The following RFC1 variants were observed in gnomAD, a reference collection of about 807,000 sequenced individuals.
RFC1 encodes A1 140 kDa subunit.
A neutral mutation model predicts 137.4 loss-of-function variants in RFC1; 37 were observed. That is an observed-to-expected ratio of 0.27 (90% CI 0.21 to 0.35). RFC1 has a LOEUF of 0.35. RFC1 is among the 10% of genes least tolerant of loss of function. The pLI is 1.00. For missense variants in RFC1, 1,205 were observed against 1,358.5 expected, an observed-to-expected ratio of 0.89 and a Z score of 1.78; for synonymous variants, 429 against 455.7, an observed-to-expected ratio of 0.94 and a Z score of 0.75.
chr4:39,298,855 A>G (rs1738176639), intron 21 of RFC1, among the ~76,000 whole-genome samples: 1 of 152,194 alleles, frequency 6.6e-6, no homozygotes, highest in African/African-American at 2.4e-5. Context: ...GCAGTGGCTC[A>G]TGCCTGTAAT....
chr4:39,292,686 G>C (rs1307527700), intron 22 of RFC1, among the ~76,000 whole-genome samples: 3 of 151,602 alleles, frequency 2.0e-5, no homozygotes, highest in Non-Finnish European at 4.4e-5. Flanking sequence ...TTGTTGCCCA[G>C]GCTGGTGTGC....
chr4:39,344,748 G>C (rs1056929374), intron 3 of RFC1, among the ~76,000 whole-genome samples: 20 of 152,128 alleles, frequency 1.3e-4, no homozygotes, highest in African/African-American at 4.6e-4. Context: ...TCGCACCACT[G>C]CACTCCAACC....
At chr4:39,309,108 A>G in intron 12 of RFC1, 76 bp from the exon 13 acceptor site, 3 of 1,466,144 alleles carry the variant, frequency 2.0e-6, no homozygotes, top group Non-Finnish European at 2.7e-6. Flanking sequence ...AACGTACTAC[A>G]GAGAGCAATC....
intron 21 of RFC1, among the ~76,000 whole-genome samples, chr4:39,299,741 T>C (rs1738245167): frequency 6.6e-6 from 1 of 151,828 alleles, no homozygotes; most frequent in Admixed American, 6.6e-5. Context: ...ATAACATTTA[T>C]CTGGTATTTA....
chr4:39,309,208 A>T (rs1738845696), intron 12 of RFC1, among the ~76,000 whole-genome samples, 176 bp from the exon 13 acceptor site: 1 of 152,210 alleles, frequency 6.6e-6, no homozygotes, highest in African/African-American at 2.4e-5. Context: ...TAAACTATAA[A>T]AATTAACAAA....
At chr4:39,301,105 A>C (rs182909579) in intron 19 of RFC1, among the ~76,000 whole-genome samples, 18 of 151,996 alleles carry the variant, frequency 1.2e-4, no homozygotes, top group African/African-American at 4.1e-4. Context: ...AAAAAACCAA[A>C]AAAAACAAAA....
intron 4 of RFC1, among the ~76,000 whole-genome samples, chr4:39,340,629 T>C (rs1740565801): frequency 6.6e-6 from 1 of 152,204 alleles, no homozygotes; most frequent in East Asian, 1.9e-4. Context: ...CTTTTCTTTT[T>C]TGAAACTCTT....
intron 4 of RFC1, among the ~76,000 whole-genome samples, chr4:39,335,125 G>GT (rs1281660839): frequency 2.0e-5 from 3 of 152,146 alleles, no homozygotes; most frequent in Admixed American, 2.0e-4. Context: ...AAGAGATCCA[G>GT]TTACGGGGAT....
At chr4:39,353,579 GAGA>G (rs1165817341) in intron 1 of RFC1, among the ~76,000 whole-genome samples, 3 of 152,026 alleles carry the variant, frequency 2.0e-5, no homozygotes, top group Non-Finnish European at 4.4e-5. Flanking sequence ...TGCTAAAGAG[GAGA>G]AGAACAATAA....
At chr4:39,337,739 A>G (rs1740429464) in intron 4 of RFC1, among the ~76,000 whole-genome samples, 1 of 152,184 alleles carries the variant, frequency 6.6e-6, no homozygotes, top group Admixed American at 6.5e-5. Context: ...TCTAAAAGTT[A>G]GCAAAGAGAA....
At chr4:39,335,020 A>T (rs1228226587) in intron 4 of RFC1, among the ~76,000 whole-genome samples, 1 of 152,224 alleles carries the variant, frequency 6.6e-6, no homozygotes, top group Non-Finnish European at 1.5e-5. Context: ...TGGAATTCAT[A>T]CTGCTGAGAA....
At chr4:39,317,300 C>T (rs1366533137) in intron 9 of RFC1, among the ~76,000 whole-genome samples, 1 of 151,862 alleles carries the variant, frequency 6.6e-6, no homozygotes, top group Non-Finnish European at 1.5e-5. Context: ...CAAAGAAATG[C>T]AAAAAGTGTT....
At chr4:39,328,478 T>G (rs1739898509) in intron 4 of RFC1, among the ~76,000 whole-genome samples, 1 of 152,196 alleles carries the variant, frequency 6.6e-6, no homozygotes, top group Non-Finnish European at 1.5e-5. Context: ...CTCTTTGAGA[T>G]AAGGTAGTGA....
chr4:39,325,517 G>A (rs1005802755), intron 6 of RFC1, among the ~76,000 whole-genome samples: 1 of 152,150 alleles, frequency 6.6e-6, no homozygotes, highest in African/African-American at 2.4e-5. Flanking sequence ...CAAGTATCTG[G>A]GACCACAGGT....
intron 10 of RFC1, among the ~76,000 whole-genome samples, chr4:39,313,697 GA>G (rs980600231): frequency 1.9e-4 from 28 of 147,628 alleles, no homozygotes; most frequent in African/African-American, 6.6e-4. Context: ...GGAAAAAAGG[GA>G]AAAAAGGCAA....
chr4:39,303,030 G>A, intron 16 of RFC1, 30 bp downstream of exon 16: 1 of 1,559,516 alleles, frequency 6.4e-7, no homozygotes, highest in East Asian at 2.2e-5. Context: ...TATCAACAGT[G>A]AAACTGCAAA....
At chr4:39,341,021 T>C (rs1740581345) in intron 4 of RFC1, among the ~76,000 whole-genome samples, 1 of 152,230 alleles carries the variant, frequency 6.6e-6, no homozygotes, top group Admixed American at 6.5e-5. Flanking sequence ...AAACTGCTCA[T>C]CTTAATGGAT....
chr4:39,296,550 A>G lies in RFC1; in HGVS notation c.2809-791T>C, dbSNP rs1287325505. On this transcript the variant is annotated intron_variant, in intron 21 of 24. Coordinates refer to ENST00000349703, the MANE Select transcript of RFC1 (RefSeq NM_002913.5). ...AGTTTACTGAGAATGATGATTTCCA[A>G]TTTCATCCATGTCCCTACAAAGGAC... is the stretch of plus-strand genomic sequence containing the variant. 2.1e-3 allele frequency among the ~76,000 whole-genome samples: 302 copies of G among 145,942 alleles called. 3 individuals carry two copies. The highest frequency in any genetic ancestry group is 1.3e-3 in the Non-Finnish European group (84 of 66,348).
At chr4:39,341,805 T>C (rs540343097) in intron 4 of RFC1, 12 of 365,730 alleles carry the variant, frequency 3.3e-5, no homozygotes, top group Middle Eastern at 4.1e-4. Context: ...AACAAAATAT[T>C]TGAGATTAGC....
Sources: allele counts gnomAD v4.1 joint callset (sites outside exome capture counted in the v4.1 genomes callset), GRCh38; gene constraint gnomAD v4.1.1; transcripts MANE v1.5; gene names NCBI Gene and HGNC (gene_info 2026-07-23, HGNC 2026-07-21).